Variants in DLGAP2 observed in about 807,000 individuals in gnomAD.
The protein encoded by DLGAP2 is DLG associated protein 2.
Under a neutral mutation model 100.3 loss-of-function variants are expected in DLGAP2, and 26 were observed. The ratio of observed to expected loss-of-function variants is 0.26; its 90% CI spans 0.19 to 0.36. DLGAP2 has a LOEUF of 0.36. DLGAP2 is among the 10% of genes least tolerant of loss of function. The pLI is 1.00. For missense variants in DLGAP2, 1,858 were observed against 1,453.2 expected, an observed-to-expected ratio of 1.28 and a Z score of -4.53; for synonymous variants, 886 against 630.1, an observed-to-expected ratio of 1.41 and a Z score of -6.08.
At chr8:1,392,645 T>A (rs1188015492) in intron 3 of DLGAP2, among the ~76,000 whole-genome samples, 2 of 152,100 alleles carry the variant, frequency 1.3e-5, no homozygotes, top group East Asian at 3.9e-4. Flanking sequence ...CCGTGGGGAG[T>A]CCCGTGGGCC....
chr8:928,905 C>T (rs935544190), intron 2 of DLGAP2, among the ~76,000 whole-genome samples: 9 of 151,764 alleles, frequency 5.9e-5, no homozygotes, highest in Non-Finnish European at 1.2e-4. Flanking sequence ...GTGGGCCGGA[C>T]GGCTTTTCAG....
chr8:1,609,583 A>C (rs1238917857), intron 6 of DLGAP2, among the ~76,000 whole-genome samples: 1 of 131,364 alleles, frequency 7.6e-6, no homozygotes, highest in Non-Finnish European at 1.7e-5. Context: ...ATTAAAAGAC[A>C]CAGACTGGCA....
intron 3 of DLGAP2, among the ~76,000 whole-genome samples, chr8:1,262,934 C>T (rs1799380866): frequency 6.6e-6 from 1 of 152,078 alleles, no homozygotes; most frequent in Admixed American, 6.6e-5. Context: ...CTTGATTTGT[C>T]ACCACAGCAG....
chr8:1,279,929 G>T (rs1398706173), intron 3 of DLGAP2, among the ~76,000 whole-genome samples: 1 of 152,202 alleles, frequency 6.6e-6, no homozygotes, highest in Non-Finnish European at 1.5e-5. Flanking sequence ...ACAGGCTTGA[G>T]AACCAGGAGG....
rs181247171 is a variant in DLGAP2, at chr8:1,348,864, G to A, written c.106+89981G>A. On this transcript the variant is annotated intron_variant, in intron 3 of 14. Transcript: ENST00000637795. The stretch of plus-strand genomic sequence containing the variant: ...TCACGTTGGCTGCTTCCCCATCCAT[G>A]TCCTGCTTGTGCCTTTGGAATCTTG... 2.6e-3 allele frequency among the ~76,000 whole-genome samples: 397 copies of A among 152,282 alleles called. 1 individual carries two copies. The highest frequency in any genetic ancestry group is 8.9e-3 in the African/African-American group (368 of 41,560).
At chr8:1,356,640 G>A (rs770335307) in intron 3 of DLGAP2, among the ~76,000 whole-genome samples, 1 of 152,184 alleles carries the variant, frequency 6.6e-6, no homozygotes, top group Non-Finnish European at 1.5e-5. Flanking sequence ...ACAGACAGTG[G>A]GATATGGTGA....
At chr8:1,132,275 A>ATCTCT (rs1796309907) in intron 2 of DLGAP2, among the ~76,000 whole-genome samples, 1 of 152,184 alleles carries the variant, frequency 6.6e-6, no homozygotes, top group African/African-American at 2.4e-5. Flanking sequence ...TTATTGCAAA[A>ATCTCT]TCTCTTCTGT....
intron 6 of DLGAP2, among the ~76,000 whole-genome samples, chr8:1,594,710 C>A (rs901437315): frequency 6.6e-6 from 1 of 152,162 alleles, no homozygotes; most frequent in African/African-American, 2.4e-5. Context: ...AGTTGTGAGC[C>A]ACCGCGCCCG....
intron 3 of DLGAP2, among the ~76,000 whole-genome samples, chr8:1,316,269 G>A (rs1264959764): frequency 1.7e-5 from 2 of 120,250 alleles, no homozygotes; most frequent in African/African-American, 6.3e-5. Flanking sequence ...AAAATAGAGC[G>A]TGTGCGAGTG....
intron 7 of DLGAP2, among the ~76,000 whole-genome samples, chr8:1,628,582 C>T (rs567310070): frequency 6.6e-6 from 1 of 151,208 alleles, no homozygotes; most frequent in South Asian, 2.1e-4. Context: ...TTGAGCCGAC[C>T]TCACATTCTC....
intron 1 of DLGAP2, among the ~76,000 whole-genome samples, chr8:800,408 C>T (rs1000482576): frequency 6.6e-6 from 1 of 152,236 alleles, no homozygotes; most frequent in Non-Finnish European, 1.5e-5. Flanking sequence ...TGAGTTTAGA[C>T]GGTTGTACAC....
intron 2 of DLGAP2, among the ~76,000 whole-genome samples, chr8:1,063,759 G>C (rs11778096): frequency 0.17 from 25,810 of 152,140 alleles, 2,886 homozygotes; most frequent in Non-Finnish European, 0.25. Context: ...TTATTGGTTT[G>C]TGCATATTTA....
intron 3 of DLGAP2, among the ~76,000 whole-genome samples, chr8:1,499,849 G>T (rs1346144071): frequency 6.6e-6 from 1 of 152,108 alleles, no homozygotes; most frequent in South Asian, 2.1e-4. Flanking sequence ...AAACCTCTAC[G>T]AACTTATTGA....
intron 1 of DLGAP2, among the ~76,000 whole-genome samples, chr8:901,246 C>G (rs970892375): frequency 1.3e-5 from 2 of 152,176 alleles, no homozygotes; most frequent in Non-Finnish European, 1.5e-5. Context: ...GAGCTATGAT[C>G]GCACCATTGC....
intron 3 of DLGAP2, chr8:1,262,574 A>C (rs2116913050): frequency 6.6e-6 from 1 of 152,328 alleles, no homozygotes; most frequent in South Asian, 2.1e-4. Context: ...AAATTTACTC[A>C]GAACAATCTC....
intron 3 of DLGAP2, among the ~76,000 whole-genome samples, chr8:1,370,905 T>C (rs572820834): frequency 6.6e-6 from 1 of 152,362 alleles, no homozygotes; most frequent in Non-Finnish European, 1.5e-5. Flanking sequence ...GTTAGGTGCC[T>C]AGAACAGGGC....
intron 3 of DLGAP2, among the ~76,000 whole-genome samples, chr8:1,295,720 C>G (rs962664382): frequency 6.6e-6 from 1 of 152,234 alleles, no homozygotes; most frequent in Non-Finnish European, 1.5e-5. Flanking sequence ...CCCAGTCTCT[C>G]TGTGGGCCCA....
chr8:1,110,766 G>A (rs1047464686), intron 2 of DLGAP2, among the ~76,000 whole-genome samples: 1 of 148,226 alleles, frequency 6.7e-6, no homozygotes, highest in African/African-American at 2.5e-5. Context: ...CCCTGCAGTG[G>A]CACTGTTTTT....
chr8:1,641,913 C>A (rs529075166), intron 8 of DLGAP2, among the ~76,000 whole-genome samples: 2 of 134,770 alleles, frequency 1.5e-5, no homozygotes, highest in African/African-American at 2.9e-5. Context: ...TCGACCCCGC[C>A]GGCCCTCACC....
Sources: gnomAD v4.1 joint callset for allele counts (sites outside exome capture counted in the v4.1 genomes callset) on GRCh38, gnomAD v4.1.1 for gene constraint, MANE v1.5 for transcripts, NCBI Gene and HGNC (gene_info 2026-07-23, HGNC 2026-07-21) for gene names.